Variants in SFI1 observed in about 807,000 individuals in gnomAD.
SFI1 encodes SFI1 centrin binding protein.
A neutral mutation model predicts 207.5 loss-of-function variants in SFI1; 195 were observed. That is an observed-to-expected ratio of 0.94 (90% confidence interval 0.84 to 1.06). The LOEUF (loss-of-function observed/expected upper bound fraction) is 1.06. Ranked by LOEUF, SFI1 falls within the 50% of genes least tolerant of loss-of-function variation. The pLI is 0.00. For synonymous variants in SFI1, 630 were observed against 598.9 expected (o/e 1.05, Z -0.76); for missense variants, 1,634 against 1,588.0 (o/e 1.03, Z -0.49).
chr22:31,564,996 G>T lies in SFI1; in HGVS notation c.765+3604G>T, dbSNP rs1032136074. On this transcript the variant is annotated intron_variant, in intron 8 of 32. Coordinates refer to ENST00000400288, the MANE Select transcript of SFI1 (RefSeq NM_001007467.3). ...GCCTGGCTAATTTTTTTTTTTTTTT[G>T]TATTTTTTAGTGGAGATGGGGTTTC... is the stretch of plus-strand genomic sequence containing the variant. Among the ~76,000 whole-genome samples, 550 of 117,494 alleles carry T rather than the reference G, an allele frequency of 4.7e-3. 1 individual carries two copies. The highest frequency in any genetic ancestry group is 7.2e-3 in the Non-Finnish European group (405 of 56,106). The allele number at this position is 117,494 out of a possible 152,430, so 77.1% of individuals were successfully genotyped here.
intron 15 of SFI1, among the ~76,000 whole-genome samples, chr22:31,596,718 A>G (rs1322000383): frequency 1.3e-5 from 2 of 148,280 alleles, no homozygotes; most frequent in Non-Finnish European, 1.5e-5. Context: ...TAGGAGGTGG[A>G]GATTGCAGTG....
intron 5 of SFI1, among the ~76,000 whole-genome samples, chr22:31,548,913 G>A (rs1342486963): frequency 6.6e-6 from 1 of 152,006 alleles, no homozygotes; most frequent in East Asian, 1.9e-4. Context: ...GTATCAAGAA[G>A]AAGGAAAAGG....
chr22:31,545,771 G>A lies in SFI1; in HGVS notation c.339-1090G>A, dbSNP rs192322754. ...AATTTTTGTATTTTTAGTAGAGATC[G>A]GGTTTTACTATGCTGGCCAGGCTGG... is the stretch of plus-strand genomic sequence containing the variant. On this transcript the variant is annotated intron_variant, in intron 4 of 32. Coordinates refer to ENST00000400288, the MANE Select transcript of SFI1 (RefSeq NM_001007467.3). Among the ~76,000 whole-genome samples the A allele has an allele frequency of 2.4e-4, 36 of 150,086 alleles. No individual in the cohort carries two copies. The East Asian group carries it at 3.8e-3, about 16-fold the overall frequency.
chr22:31,553,958 C>G (rs75733034), intron 6 of SFI1, among the ~76,000 whole-genome samples: 2,507 of 145,360 alleles, frequency 0.017, 27 homozygotes, highest in Non-Finnish European at 0.027. Context: ...ACCTCAGCCT[C>G]CCAAGTAGCT....
chr22:31,559,928 A>C (rs567866845), intron 7 of SFI1: 6 of 575,000 alleles, frequency 1.0e-5, no homozygotes, highest in Non-Finnish European at 1.9e-5. Context: ...GGGCGGGTCC[A>C]AGAAGAAATA....
At chr22:31,556,670 A>G (rs1038760113) in intron 6 of SFI1, among the ~76,000 whole-genome samples, 3 of 152,210 alleles carry the variant, frequency 2.0e-5, no homozygotes, top group Admixed American at 2.0e-4. Flanking sequence ...GAGTATATCT[A>G]TAGAAATAAG....
intron 2 of SFI1, among the ~76,000 whole-genome samples, chr22:31,516,958 T>A (rs139645304): frequency 1.4e-4 from 21 of 149,186 alleles, no homozygotes; most frequent in African/African-American, 5.0e-4. Flanking sequence ...CAGTCTCAAA[T>A]AAACAAACAA....
chr22:31,590,853 T>A (rs1028824119), intron 15 of SFI1, among the ~76,000 whole-genome samples: 1 of 147,104 alleles, frequency 6.8e-6, no homozygotes, highest in Non-Finnish European at 1.5e-5. Context: ...CTCTTTTTAT[T>A]TTATTTTTAT....
chr22:31,549,673 A>C (rs1264788937), intron 5 of SFI1, among the ~76,000 whole-genome samples: 1 of 151,860 alleles, frequency 6.6e-6, no homozygotes, highest in Non-Finnish European at 1.5e-5. Flanking sequence ...CCCAAACATC[A>C]TGAATTTGTG....
intron 15 of SFI1, among the ~76,000 whole-genome samples, chr22:31,593,955 C>A (rs991155280): frequency 8.2e-6 from 1 of 122,488 alleles, no homozygotes; most frequent in African/African-American, 3.1e-5. Context: ...GCTTCGGCTC[C>A]GCATGAGAGG....
At chr22:31,542,607 G>A (rs1378642515) in intron 4 of SFI1, among the ~76,000 whole-genome samples, 1 of 151,998 alleles carries the variant, frequency 6.6e-6, no homozygotes, top group Non-Finnish European at 1.5e-5. Context: ...TAGACTGGAC[G>A]ACAAGAGGGA....
chr22:31,595,036 G>T (rs61385137), intron 15 of SFI1, among the ~76,000 whole-genome samples: 14 of 151,278 alleles, frequency 9.3e-5, no homozygotes, highest in African/African-American at 3.4e-4. Context: ...TTGTCCTTTC[G>T]CCCAGGCTGG....
intron 8 of SFI1, among the ~76,000 whole-genome samples, chr22:31,569,204 T>C (rs928959334): frequency 3.3e-5 from 5 of 151,976 alleles, no homozygotes; most frequent in Non-Finnish European, 7.4e-5. Context: ...AGGACATAGA[T>C]CTAGGAAGCC....
rs759821436 is a variant in SFI1, at chr22:31,604,956, C to T, written c.2054+11C>T. ...CAGGCAGCTGCTGCGGTGAGTCTCCCGGGCGCCTCCCAAGCTCCAGCTGGG... is the reference window on the plus strand; with the variant it reads ...CAGGCAGCTGCTGCGGTGAGTCTCCTGGGCGCCTCCCAAGCTCCAGCTGGG... On this transcript the variant is annotated intron_variant, in intron 20 of 32. Coordinates refer to ENST00000400288, the MANE Select transcript of SFI1 (RefSeq NM_001007467.3). 3.5e-5 allele frequency: 55 copies of T among 1,587,220 alleles called. No individual in the cohort carries two copies. Among genetic ancestry groups the T allele is most frequent in the Admixed American group, 1.8e-4 (10 of 56,494 alleles).
At position 31,615,293 on chromosome 22, in the gene SFI1, C is replaced by T. The variant is rs533008845; in HGVS notation, c.3300+14C>T. The T allele has an allele frequency of 2.7e-6, 4 of 1,473,556 alleles. No individual in the cohort carries two copies. The highest frequency in any genetic ancestry group is 2.8e-5 in the African/African-American group (2 of 71,060). The allele number at this position is 1,473,556 out of a possible 1,614,324, so 91.3% of individuals were successfully genotyped here. On this transcript the variant is annotated intron_variant, in intron 29 of 32. Coordinates refer to ENST00000400288, the MANE Select transcript of SFI1 (RefSeq NM_001007467.3). ...GCACCAGCCAGGGTACGTCCTCCAC[C>T]ACCAGGCCTGGGCACTGGGGCTCTC... is the stretch of plus-strand genomic sequence containing the variant.
At chr22:31,502,035 A>G (rs1401174661) in intron 1 of SFI1, among the ~76,000 whole-genome samples, 1 of 152,168 alleles carries the variant, frequency 6.6e-6, no homozygotes, top group East Asian at 1.9e-4. Context: ...AGCTGCCAGG[A>G]TACACTCTAG....
intron 13 of SFI1, 85 bp downstream of exon 13, chr22:31,584,057 A>G (rs2064698788): frequency 3.5e-6 from 4 of 1,128,332 alleles, no homozygotes; most frequent in East Asian, 2.3e-5. Context: ...TTGCCCTTCT[A>G]TGCGTTAGTG....
At chr22:31,599,865 A>G (rs980441665) in intron 15 of SFI1, among the ~76,000 whole-genome samples, 1 of 148,378 alleles carries the variant, frequency 6.7e-6, no homozygotes, top group African/African-American at 2.5e-5. Context: ...CCTTGATGAT[A>G]TTTTTATTGT....
chr22:31,583,358 A>T (rs1338594929), intron 12 of SFI1, among the ~76,000 whole-genome samples: 2 of 152,006 alleles, frequency 1.3e-5, no homozygotes, highest in African/African-American at 4.8e-5. Context: ...CAGGTGATCC[A>T]CCCGCCTTGG....
Sources: allele counts gnomAD v4.1 joint callset (sites outside exome capture counted in the v4.1 genomes callset), GRCh38; gene constraint gnomAD v4.1.1; transcripts MANE v1.5; gene names NCBI Gene and HGNC (gene_info 2026-07-23, HGNC 2026-07-21).